CSMD3: variants seen among roughly 807,000 people sequenced by gnomAD.
CSMD3 encodes the protein CUB and sushi domain-containing protein 3.
In CSMD3, 177 loss-of-function variants were observed where a neutral mutation model predicts 435.2. That is an observed-to-expected ratio of 0.41 (90% CI 0.36 to 0.46). The LOEUF is 0.46. Ranked by LOEUF, CSMD3 falls within the 20% of genes least tolerant of loss-of-function variation. The pLI, the probability that CSMD3 is intolerant of heterozygous loss-of-function variation, is 0.34. For synonymous variants in CSMD3, 1,656 were observed against 1,520.5 expected (o/e 1.09, Z -2.07); for missense variants, 4,265 against 4,504.6 (o/e 0.95, Z 1.52).
At chr8:113,192,480 C>T (rs2092600046) in intron 3 of CSMD3, among the ~76,000 whole-genome samples, 1 of 151,550 alleles carries the variant, frequency 6.6e-6, no homozygotes, top group South Asian at 2.1e-4. Flanking sequence ...AATTTCTCCC[C>T]TTAATGTTAC....
chr8:112,329,754 C>G (rs994363666), intron 45 of CSMD3, among the ~76,000 whole-genome samples: 5 of 152,082 alleles, frequency 3.3e-5, no homozygotes, highest in Non-Finnish European at 4.4e-5. Context: ...CATATACATA[C>G]AGTGAAGTGT....
At chr8:112,872,090 C>T (rs2081152687) in intron 10 of CSMD3, among the ~76,000 whole-genome samples, 2 of 151,972 alleles carry the variant, frequency 1.3e-5, no homozygotes, top group Non-Finnish European at 1.5e-5. Context: ...AATTAGAATT[C>T]TCAGATTCTT....
intron 4 of CSMD3, among the ~76,000 whole-genome samples, chr8:113,100,488 TCA>T (rs1431818146): frequency 6.6e-6 from 1 of 152,136 alleles, no homozygotes; most frequent in Non-Finnish European, 1.5e-5. Flanking sequence ...TAGCATATAT[TCA>T]CAGTTTAACT....
Position 113,030,120 on chromosome 8 carries a change from A to T in CSMD3, c.918-10941T>A, listed in dbSNP as rs1449839781. Among the ~76,000 whole-genome samples the T allele has an allele frequency of 4.0e-5, 6 of 151,492 alleles. 1 individual carries two copies. Among genetic ancestry groups the T allele is most frequent in the Non-Finnish European group, 1.5e-5 (1 of 67,764 alleles). ...AAAACTACAAAACACTGCTGAAAGA[A>T]ATCTTAGACAACACAAACAAATGGA... On this transcript the variant is annotated intron_variant, in intron 5 of 70. Coordinates refer to ENST00000297405, the MANE Select transcript of CSMD3 (RefSeq NM_198123.2).
chr8:112,553,352 A>C (rs555035299), intron 25 of CSMD3, among the ~76,000 whole-genome samples: 1 of 152,060 alleles, frequency 6.6e-6, no homozygotes, highest in Admixed American at 6.6e-5. Context: ...TTAAAATTTT[A>C]TATTTTAGGG....
At chr8:112,720,587 A>C (rs1334164155) in intron 13 of CSMD3, among the ~76,000 whole-genome samples, 1 of 152,150 alleles carries the variant, frequency 6.6e-6, no homozygotes, top group African/African-American at 2.4e-5. Flanking sequence ...TTGCATGTAG[A>C]TCTAGGAGTA....
At chr8:112,819,561 C>A (rs927842181) in intron 12 of CSMD3, among the ~76,000 whole-genome samples, 2 of 152,152 alleles carry the variant, frequency 1.3e-5, no homozygotes, top group Non-Finnish European at 2.9e-5. Flanking sequence ...TATTAAAACA[C>A]CTCTAGGAGG....
chr8:112,275,804 C>T (rs1045378656), intron 59 of CSMD3, among the ~76,000 whole-genome samples: 6 of 152,106 alleles, frequency 3.9e-5, no homozygotes, highest in African/African-American at 7.2e-5. Flanking sequence ...CACAAAATGT[C>T]GAAATTATGG....
At chr8:112,922,374 T>C (rs1444621924) in intron 9 of CSMD3, among the ~76,000 whole-genome samples, 1 of 152,034 alleles carries the variant, frequency 6.6e-6, no homozygotes, top group Non-Finnish European at 1.5e-5. Context: ...AAAATACCAT[T>C]ACATTCTTTT....
chr8:112,997,193 C>T (rs577648122), intron 6 of CSMD3, among the ~76,000 whole-genome samples: 12 of 151,668 alleles, frequency 7.9e-5, no homozygotes, highest in African/African-American at 2.9e-4. Context: ...GTTGATAGAG[C>T]TTATTCAAAT....
intron 13 of CSMD3, among the ~76,000 whole-genome samples, chr8:112,794,637 C>G (rs2078780147): frequency 6.6e-6 from 1 of 151,796 alleles, no homozygotes; most frequent in Non-Finnish European, 1.5e-5. Flanking sequence ...TAGTTTGGCC[C>G]AAACCTGTAG....
chr8:113,431,484 G>C (rs2942848), intron 1 of CSMD3, among the ~76,000 whole-genome samples: 33,441 of 152,118 alleles, frequency 0.22, 4,293 homozygotes, highest in Non-Finnish European at 0.3. Context: ...AAAAGGTCAT[G>C]TTGCCTAAAG....
At chr8:113,072,140 G>C (rs1073350) in intron 5 of CSMD3, among the ~76,000 whole-genome samples, 69,390 of 151,392 alleles carry the variant, frequency 0.46, 17,873 homozygotes, top group East Asian at 0.88. Context: ...ACTAATTTTT[G>C]CATGTTGATT....
intron 3 of CSMD3, among the ~76,000 whole-genome samples, chr8:113,229,524 T>G (rs988930623): frequency 2.0e-5 from 3 of 151,542 alleles, no homozygotes; most frequent in Non-Finnish European, 4.4e-5. Context: ...TTGGTATTCA[T>G]TCACTTAGGA....
intron 35 of CSMD3, among the ~76,000 whole-genome samples, chr8:112,391,809 C>T (rs1830443529): frequency 6.6e-6 from 1 of 152,104 alleles, no homozygotes; most frequent in Admixed American, 6.5e-5. Flanking sequence ...GCCAGTCTAA[C>T]TACTACAAGA....
chr8:113,211,271 C>T lies in CSMD3; in HGVS notation c.515-37355G>A, dbSNP rs62519811. Among the ~76,000 whole-genome samples the T allele has an allele frequency of 2.3e-3, 351 of 152,054 alleles. 2 individuals are homozygous for T. Among genetic ancestry groups the T allele is most frequent in the Non-Finnish European group, 3.8e-3 (257 of 67,976 alleles). On this transcript the variant is annotated intron_variant, in intron 3 of 70. Transcript: ENST00000297405. The stretch of plus-strand genomic sequence containing the variant: ...TGTGTAGTAGAGGTTCCTTTCTTTC[C>T]TCAGTTTCTAACTATACAATGGCTA...
chr8:112,333,679 C>CAG (rs1824290101), intron 45 of CSMD3, among the ~76,000 whole-genome samples: 1 of 151,910 alleles, frequency 6.6e-6, no homozygotes, highest in African/African-American at 2.4e-5. Flanking sequence ...TACACACACA[C>CAG]ACACACACAC....
chr8:113,314,732 A>G lies in CSMD3; in HGVS notation c.240T>C (p.Gly80=), dbSNP rs767598421. The G allele has an allele frequency of 4.8e-5, 77 of 1,613,098 alleles. 1 individual carries two copies. The South Asian group carries it at 8.2e-4, about 17-fold the overall frequency. Residue 80 remains glycine, a synonymous_variant, in exon 2 of 71, where the codon GGT becomes GGC. Transcript: ENST00000297405. ...CACCATTTGGATATCCATATGGAAA[A>G]CCAGGGCTTTCTATAGTGCCATTAA... ...KGLNGTIESP[G]FPYGYPNGAN...
chr8:112,335,002 T>A (rs1211352272), intron 45 of CSMD3, among the ~76,000 whole-genome samples: 3 of 152,302 alleles, frequency 2.0e-5, no homozygotes, highest in East Asian at 3.9e-4. Flanking sequence ...GAAAAAAATC[T>A]ATTGACGTCT....
Sources: gnomAD v4.1 joint callset for allele counts (sites outside exome capture counted in the v4.1 genomes callset) on GRCh38, gnomAD v4.1.1 for gene constraint, MANE v1.5 for transcripts, NCBI Gene and HGNC (gene_info 2026-07-23, HGNC 2026-07-21) for gene names.